DISC1: variants seen among roughly 807,000 people sequenced by gnomAD.
DISC1 encodes disrupted in schizophrenia 1 protein.
Under a neutral mutation model 84.5 loss-of-function variants are expected in DISC1, and 57 were observed. The observed-to-expected ratio is 0.67, with a 90% CI of 0.55 to 0.84. The LOEUF (loss-of-function observed/expected upper bound fraction) is 0.84. Ranked by LOEUF, DISC1 falls within the 40% of genes least tolerant of loss-of-function variation. The probability of loss-of-function intolerance (pLI) is 0.00; values close to 1 mark genes in which losing one functional copy is unlikely to be tolerated. For missense variants in DISC1, 1,000 were observed against 1,057.8 expected, an observed-to-expected ratio of 0.95 and a Z score of 0.76; for synonymous variants, 411 against 415.2, an observed-to-expected ratio of 0.99 and a Z score of 0.12.
At chr1:232,015,135 C>T (rs1418395801) in intron 11 of DISC1, among the ~76,000 whole-genome samples, 3 of 152,098 alleles carry the variant, frequency 2.0e-5, no homozygotes, top group African/African-American at 7.2e-5. Context: ...TGAGCTGGCT[C>T]CTGCTTGTTC....
At chr1:231,634,337 GA>G (rs988523024) in intron 1 of DISC1, among the ~76,000 whole-genome samples, 4 of 150,472 alleles carry the variant, frequency 2.7e-5, no homozygotes, top group African/African-American at 7.3e-5. Flanking sequence ...ATGGTCAAGT[GA>G]AAAAAAAAGT....
intron 8 of DISC1, among the ~76,000 whole-genome samples, chr1:231,812,902 T>C (rs2080455537): frequency 6.6e-6 from 1 of 152,220 alleles, no homozygotes; most frequent in Non-Finnish European, 1.5e-5. Context: ...AAAGTATTGA[T>C]CAAGGGCATT....
chr1:231,684,038 G>T (rs946204135), intron 1 of DISC1, among the ~76,000 whole-genome samples: 4 of 152,076 alleles, frequency 2.6e-5, no homozygotes, highest in Non-Finnish European at 5.9e-5. Flanking sequence ...CAGTGGAGTT[G>T]CTCACAGCCT....
intron 10 of DISC1, among the ~76,000 whole-genome samples, chr1:232,002,259 A>G (rs1174537419): frequency 1.3e-5 from 2 of 152,186 alleles, no homozygotes. Flanking sequence ...AAACAAGATC[A>G]CTCATGCATT....
intron 9 of DISC1, among the ~76,000 whole-genome samples, chr1:231,822,960 GC>G (rs1051448711): frequency 2.6e-5 from 4 of 152,172 alleles, no homozygotes; most frequent in African/African-American, 9.7e-5. Flanking sequence ...TGAGGGATCT[GC>G]CCCCAGACCC....
intron 3 of DISC1, among the ~76,000 whole-genome samples, chr1:231,711,254 G>C (rs112061756): frequency 1.9e-4 from 28 of 150,372 alleles, no homozygotes; most frequent in African/African-American, 6.6e-4. Flanking sequence ...ATACAGCCTA[G>C]TTGGAATAAA....
chr1:231,861,955 TC>T (rs1468785300), intron 9 of DISC1, among the ~76,000 whole-genome samples: 1 of 152,084 alleles, frequency 6.6e-6, no homozygotes, highest in African/African-American at 2.4e-5. Flanking sequence ...GAAAAAAAAG[TC>T]CTGATTGGCA....
chr1:231,996,352 C>T (rs1206814238), intron 10 of DISC1, among the ~76,000 whole-genome samples: 1 of 152,086 alleles, frequency 6.6e-6, no homozygotes, highest in Non-Finnish European at 1.5e-5. Flanking sequence ...TTAATTAGAT[C>T]CCATTTGTCA....
At chr1:231,748,521 A>G (rs2074258581) in intron 3 of DISC1, among the ~76,000 whole-genome samples, 2 of 152,280 alleles carry the variant, frequency 1.3e-5, no homozygotes, top group East Asian at 1.9e-4. Flanking sequence ...CCTTCATTCT[A>G]TTGATGAGAT....
intron 9 of DISC1, among the ~76,000 whole-genome samples, chr1:231,851,582 G>A (rs954431607): frequency 2.0e-5 from 3 of 152,200 alleles, no homozygotes; most frequent in Non-Finnish European, 2.9e-5. Flanking sequence ...AAGACTTGGG[G>A]CTCCCCCAGC....
chr1:231,955,792 C>T (rs986514709), intron 9 of DISC1, among the ~76,000 whole-genome samples: 19 of 152,086 alleles, frequency 1.2e-4, no homozygotes, highest in Non-Finnish European at 2.2e-4. Context: ...ACCCAGCCAA[C>T]TTTTCTTTTT....
intron 10 of DISC1, among the ~76,000 whole-genome samples, chr1:231,975,826 G>A (rs1437764890): frequency 6.6e-6 from 1 of 152,170 alleles, no homozygotes. Context: ...GATTTGGAAA[G>A]GTGAGAGAGT....
intron 9 of DISC1, among the ~76,000 whole-genome samples, chr1:231,927,287 C>G (rs1456599945): frequency 6.6e-6 from 1 of 152,192 alleles, no homozygotes; most frequent in Non-Finnish European, 1.5e-5. Flanking sequence ...ATGAGGCACT[C>G]TCACACATTT....
chr1:231,998,276 A>C (rs924827676), intron 10 of DISC1, among the ~76,000 whole-genome samples: 1 of 152,234 alleles, frequency 6.6e-6, no homozygotes, highest in Non-Finnish European at 1.5e-5. Context: ...TATGAAGATC[A>C]ACATTCATAT....
rs926100611 is a variant in DISC1, at chr1:231,761,764, C to A, written c.1269-5376C>A. ...GAATAAATTAGTGCAAAGAAATGAT[C>A]CAATGCAATAGAAAAGTGAATATAA... On this transcript the variant is annotated intron_variant, in intron 4 of 12. Coordinates refer to ENST00000439617, the MANE Select transcript of DISC1 (RefSeq NM_018662.3). 3.3e-5 allele frequency among the ~76,000 whole-genome samples: 5 copies of A among 152,300 alleles called. No individual in the cohort carries two copies. In the East Asian group the frequency reaches 9.6e-4, roughly 29 times the overall value.
At chr1:231,895,811 C>G (rs2087641304) in intron 9 of DISC1, among the ~76,000 whole-genome samples, 2 of 152,202 alleles carry the variant, frequency 1.3e-5, no homozygotes, top group African/African-American at 4.8e-5. Context: ...ACCTGAACTA[C>G]TGCAGTTGCC....
chr1:231,642,117 C>T (rs1196154240), intron 1 of DISC1, among the ~76,000 whole-genome samples: 3 of 152,216 alleles, frequency 2.0e-5, no homozygotes, highest in Non-Finnish European at 4.4e-5. Context: ...CAAGGCCTTG[C>T]GAGAAATTGA....
chr1:231,843,830 T>A (rs976267716), intron 9 of DISC1, among the ~76,000 whole-genome samples: 1 of 152,154 alleles, frequency 6.6e-6, no homozygotes, highest in Non-Finnish European at 1.5e-5. Context: ...AGTTTCTGAG[T>A]GACATCCAGG....
chr1:231,722,863 T>C, intron 3 of DISC1: 1 of 1,396,444 alleles, frequency 7.2e-7, no homozygotes, highest in South Asian at 1.5e-5. Context: ...CCCAGTCCCC[T>C]GTCATGGCAT....
Sources: allele counts gnomAD v4.1 joint callset (sites outside exome capture counted in the v4.1 genomes callset), GRCh38; gene constraint gnomAD v4.1.1; transcripts MANE v1.5; gene names NCBI Gene and HGNC (gene_info 2026-07-23, HGNC 2026-07-21).